Variants in CACNA1C observed in about 807,000 individuals in gnomAD.
The protein encoded by CACNA1C is calcium voltage-gated channel subunit alpha1 C.
Under a neutral mutation model 229.0 loss-of-function variants are expected in CACNA1C, and 30 were observed. The ratio of observed to expected loss-of-function variants is 0.13; its 90% CI spans 0.10 to 0.18. CACNA1C has a LOEUF of 0.18. Among genes scored for constraint, CACNA1C ranks in the 10% least tolerant of loss-of-function variants. CACNA1C has a pLI of 1.00. For missense variants in CACNA1C, 1,658 were observed against 2,845.0 expected (o/e 0.58, Z 9.49); for synonymous variants, 1,114 against 1,132.5 (o/e 0.98, Z 0.33).
intron 29 of CACNA1C, among the ~76,000 whole-genome samples, chr12:2,619,351 G>A (rs534619666): frequency 2.6e-5 from 4 of 152,330 alleles, no homozygotes; most frequent in East Asian, 3.9e-4. Context: ...GGGAGTTTGC[G>A]CCCAGCCCTC....
chr12:2,454,079 T>A (rs2099401369), intron 4 of CACNA1C, among the ~76,000 whole-genome samples: 1 of 152,160 alleles, frequency 6.6e-6, no homozygotes, highest in Non-Finnish European at 1.5e-5. Flanking sequence ...CCTGGAGCCC[T>A]CCAGTTTTGA....
chr12:2,166,282 A>G (rs1267451276), intron 3 of CACNA1C, among the ~76,000 whole-genome samples: 1 of 152,182 alleles, frequency 6.6e-6, no homozygotes. Flanking sequence ...CTCTACCATC[A>G]GTAGTCATTC....
intron 1 of CACNA1C, among the ~76,000 whole-genome samples, chr12:1,995,712 T>C (rs145621765): frequency 6.6e-6 from 1 of 152,354 alleles, no homozygotes; most frequent in Admixed American, 6.5e-5. Flanking sequence ...GCTGTTCTAG[T>C]CCTGCTTTTA....
At chr12:2,635,012 C>T (rs777767500) in intron 30 of CACNA1C, among the ~76,000 whole-genome samples, 12 of 152,234 alleles carry the variant, frequency 7.9e-5, no homozygotes, top group Admixed American at 5.2e-4. Context: ...GGAAGAGGAA[C>T]GAGAAGGGGA....
chr12:2,461,895 C>G (rs891364211), intron 5 of CACNA1C, among the ~76,000 whole-genome samples: 3 of 152,204 alleles, frequency 2.0e-5, no homozygotes, highest in Non-Finnish European at 4.4e-5. Flanking sequence ...GTCTCTGCCT[C>G]AACCCCTATC....
At chr12:2,526,791 A>G (rs946475917) in intron 9 of CACNA1C, among the ~76,000 whole-genome samples, 1 of 152,260 alleles carries the variant, frequency 6.6e-6, no homozygotes, top group African/African-American at 2.4e-5. Context: ...AAGAGAATGA[A>G]TAAAGAAAAG....
At chr12:2,427,642 A>G (rs2099045248) in intron 3 of CACNA1C, among the ~76,000 whole-genome samples, 1 of 152,124 alleles carries the variant, frequency 6.6e-6, no homozygotes, top group African/African-American at 2.4e-5. Context: ...ATTTTTTGAG[A>G]TGGAGTTTCA....
At chr12:2,091,809 G>T (rs1027387277) in intron 1 of CACNA1C, among the ~76,000 whole-genome samples, 2 of 152,186 alleles carry the variant, frequency 1.3e-5, no homozygotes, top group African/African-American at 4.8e-5. Flanking sequence ...TTCTTATTCT[G>T]TGCCTTCTGG....
Position 2,034,901 on chromosome 12 carries a change from C to T in CACNA1C, c.139+63700C>T, listed in dbSNP as rs1191384107. ...GAAAGTACAGGATGCTATGGGACAC[C>T]GAATCCAACTTTGCGGGACAGGGGA... On this transcript the variant is annotated intron_variant, in intron 1 of 46. Transcript: ENST00000682462. The surrounding 1 kb of genome is among the most constrained non-coding windows in gnomAD (Gnocchi z 4.1). Among the ~76,000 whole-genome samples the T allele has an allele frequency of 6.6e-6, 1 of 152,140 alleles. No individual in the cohort carries two copies. The highest frequency in any genetic ancestry group is 1.9e-4 in the East Asian group (1 of 5,184).
At chr12:2,055,013 G>A (rs2054112003) in intron 1 of CACNA1C, among the ~76,000 whole-genome samples, 1 of 152,222 alleles carries the variant, frequency 6.6e-6, no homozygotes, top group Non-Finnish European at 1.5e-5. Flanking sequence ...TCCTGAAACC[G>A]ATTTTGGGGC....
At chr12:2,161,773 C>T (rs2095869005) in intron 3 of CACNA1C, among the ~76,000 whole-genome samples, 1 of 152,210 alleles carries the variant, frequency 6.6e-6, no homozygotes. Context: ...TAAAGAAAGC[C>T]AGGCTGGAGA....
At chr12:2,150,831 C>A (rs1274578196) in intron 3 of CACNA1C, among the ~76,000 whole-genome samples, 1 of 152,210 alleles carries the variant, frequency 6.6e-6, no homozygotes, top group Non-Finnish European at 1.5e-5. Context: ...ACTCTGATAA[C>A]AATCTTTTCC....
chr12:2,203,144 G>T (rs2097648206), intron 3 of CACNA1C, among the ~76,000 whole-genome samples: 1 of 152,156 alleles, frequency 6.6e-6, no homozygotes, highest in South Asian at 2.1e-4. Flanking sequence ...TATTTTCCAT[G>T]AAGGGAAGTG....
intron 18 of CACNA1C, among the ~76,000 whole-genome samples, chr12:2,592,663 G>A (rs2065933870): frequency 6.6e-6 from 1 of 151,198 alleles, no homozygotes; most frequent in South Asian, 2.1e-4. Flanking sequence ...AGGGCCTGCT[G>A]TGGTCAGTAG....
At position 2,653,684 on chromosome 12, in the gene CACNA1C, C is replaced by T. The variant is rs937171030; in HGVS notation, c.4075-151C>T. 2.0e-5 allele frequency: 13 copies of T among 665,516 alleles called. No homozygotes were observed. Among genetic ancestry groups the T allele is most frequent in the African/African-American group, 1.8e-4 (10 of 56,106 alleles). The allele number at this position is 665,516 out of a possible 1,614,324, so 41.2% of individuals were successfully genotyped here. A position where few individuals can be genotyped will look rare whatever the true frequency, so the allele number is the denominator to read the frequency against. On this transcript the variant is annotated intron_variant, in intron 32 of 46. Coordinates refer to ENST00000399655, the MANE Select transcript of CACNA1C (RefSeq NM_000719.7). The surrounding 1 kb of genome is among the most constrained non-coding windows in gnomAD (Gnocchi z 4.7). The stretch of plus-strand genomic sequence containing the variant: ...TTTCTCAGACCTTCTCGCAGGTTCC[C>T]CGTAGTCCTGTGGGACTCTTGGAAG...
intron 3 of CACNA1C, among the ~76,000 whole-genome samples, chr12:2,327,587 C>T (rs551186339): frequency 1.3e-5 from 2 of 152,308 alleles, no homozygotes; most frequent in Non-Finnish European, 2.9e-5. Context: ...TCTGACCTAA[C>T]GGTAGTTCTG....
At chr12:2,652,329 C>T (rs946870992) in intron 32 of CACNA1C, among the ~76,000 whole-genome samples, 4 of 152,206 alleles carry the variant, frequency 2.6e-5, no homozygotes, top group African/African-American at 7.2e-5. Flanking sequence ...TCAGTTCCTC[C>T]GCTCAGCCAT....
intron 11 of CACNA1C, among the ~76,000 whole-genome samples, chr12:2,565,705 G>A (rs1555796271): frequency 2.0e-5 from 3 of 152,166 alleles, no homozygotes; most frequent in Non-Finnish European, 4.4e-5. Flanking sequence ...CTCAAGTAAA[G>A]GTGTGTGTGT....
chr12:2,493,185 T>C lies in CACNA1C; in HGVS notation c.917-5T>C. 6.2e-7 allele frequency: 1 copy of C among 1,612,670 alleles called. No individual in the cohort carries two copies. Among genetic ancestry groups the C allele is most frequent in the Non-Finnish European group, 8.5e-7 (1 of 1,178,860 alleles). The stretch of plus-strand genomic sequence containing the variant: ...CCGTCTCCTGTCTTCTTCTGGCCAT[T>C]TGAGATGTTCCAGCAGAAGATGACC... On this transcript the variant is annotated splice_polypyrimidine_tract_variant and splice_region_variant and intron_variant, in intron 6 of 46. Coordinates refer to ENST00000399655, the MANE Select transcript of CACNA1C (RefSeq NM_000719.7). This position sits in a 1 kb window ranked among gnomAD's most constrained non-coding sequence, Gnocchi z 4.6.
Sources: gnomAD v4.1 joint callset for allele counts (sites outside exome capture counted in the v4.1 genomes callset) on GRCh38, gnomAD v4.1.1 for gene constraint, Gnocchi (gnomAD v3.1) non-coding constraint, MANE v1.5 for transcripts, NCBI Gene and HGNC (gene_info 2026-07-23, HGNC 2026-07-21) for gene names.